The following RBL1 variants were observed in gnomAD, a reference collection of about 807,000 sequenced individuals.
The protein encoded by RBL1 is retinoblastoma-like protein 1.
Under a neutral mutation model 123.0 loss-of-function variants are expected in RBL1, and 82 were observed. That is an observed-to-expected ratio of 0.67 (90% CI 0.56 to 0.80). The LOEUF is 0.80. Among genes scored for constraint, RBL1 ranks in the 30% least tolerant of loss-of-function variants. RBL1 has a pLI of 0.00. For missense variants in RBL1, 1,171 were observed against 1,299.6 expected (o/e 0.90, Z 1.52); for synonymous variants, 405 against 441.3 (o/e 0.92, Z 1.03).
chr20:37,046,018 GTGA>G (rs1445765930), intron 12 of RBL1, among the ~76,000 whole-genome samples: 11 of 152,278 alleles, frequency 7.2e-5, no homozygotes, highest in South Asian at 4.1e-4. Context: ...GTTATTGAGG[GTGA>G]TGATGTAGTT....
intron 16 of RBL1, among the ~76,000 whole-genome samples, chr20:37,027,072 G>A (rs899951891): frequency 1.3e-5 from 2 of 151,850 alleles, no homozygotes; most frequent in Non-Finnish European, 2.9e-5. Flanking sequence ...GTTGGGCATG[G>A]TGGCTCACAC....
intron 10 of RBL1, 110 bp downstream of exon 10, chr20:37,056,036 C>CA (rs890079081): frequency 0.055 from 53,722 of 984,424 alleles, 1 homozygote; most frequent in East Asian, 0.062. Context: ...AACTCGGTCT[C>CA]AAAAAAAAAA....
At position 37,014,279 on chromosome 20, in the gene RBL1, A is replaced by G. The variant is rs147615306; in HGVS notation, c.2722+4000T>C. 7.0e-4 allele frequency among the ~76,000 whole-genome samples: 106 copies of G among 151,966 alleles called. 1 individual carries two copies. Among genetic ancestry groups the G allele is most frequent in the African/African-American group, 2.5e-3 (103 of 41,474 alleles). ...TTTTTTGTAGCAATAGGCTGTCACT[A>G]TGTTACCCACAATGGTCTTGAACTC... On this transcript the variant is annotated intron_variant, in intron 19 of 21. Coordinates refer to ENST00000373664, the MANE Select transcript of RBL1 (RefSeq NM_002895.5).
At chr20:37,076,455 A>T (rs1020347328) in intron 2 of RBL1, among the ~76,000 whole-genome samples, 1 of 152,218 alleles carries the variant, frequency 6.6e-6, no homozygotes, top group Non-Finnish European at 1.5e-5. Flanking sequence ...CTGATAACTG[A>T]GAGGGCCACT....
At chr20:37,008,813 T>C (rs914681329) in intron 19 of RBL1, among the ~76,000 whole-genome samples, 1 of 151,862 alleles carries the variant, frequency 6.6e-6, no homozygotes, top group African/African-American at 2.4e-5. Flanking sequence ...TCACTTCTGC[T>C]ATTTCTAAAG....
chr20:37,040,581 G>C (rs1161742060), intron 13 of RBL1, among the ~76,000 whole-genome samples: 1 of 152,090 alleles, frequency 6.6e-6, no homozygotes, highest in Non-Finnish European at 1.5e-5. Context: ...TCGAATTCCT[G>C]ACCTCAGATG....
intron 16 of RBL1, among the ~76,000 whole-genome samples, chr20:37,023,944 A>AT (rs1201528495): frequency 0.012 from 1,689 of 144,358 alleles, 16 homozygotes; most frequent in South Asian, 0.018. Flanking sequence ...CGCCTGGCTA[A>AT]TTTTTTTTTT....
chr20:37,073,420 GGGTGT>G (rs2065311685), intron 2 of RBL1, among the ~76,000 whole-genome samples: 1 of 152,118 alleles, frequency 6.6e-6, no homozygotes, highest in Non-Finnish European at 1.5e-5. Context: ...TGCTACTGCT[GGGTGT>G]GGTGGCTCAT....
chr20:37,069,652 G>C (rs997143148), intron 2 of RBL1, among the ~76,000 whole-genome samples: 1 of 151,118 alleles, frequency 6.6e-6, no homozygotes, highest in Admixed American at 6.6e-5. Context: ...CAGCCGCCCC[G>C]TCTGAGAAGT....
intron 2 of RBL1, among the ~76,000 whole-genome samples, chr20:37,069,074 A>G (rs1022641385): frequency 3.3e-5 from 5 of 152,234 alleles, no homozygotes; most frequent in African/African-American, 4.8e-5. Context: ...CCCTAACCGC[A>G]AGTGATCCGC....
intron 2 of RBL1, among the ~76,000 whole-genome samples, chr20:37,071,687 T>C (rs1204773148): frequency 1.3e-5 from 2 of 152,028 alleles, no homozygotes; most frequent in Non-Finnish European, 2.9e-5. Flanking sequence ...ATGTTGGAGG[T>C]GGGCCTAGTG....
At chr20:37,084,615 T>G (rs1183211044) in intron 2 of RBL1, among the ~76,000 whole-genome samples, 1 of 152,114 alleles carries the variant, frequency 6.6e-6, no homozygotes, top group Non-Finnish European at 1.5e-5. Flanking sequence ...GAGGGATCGC[T>G]TGAGCCTGTG....
chr20:37,070,732 T>C (rs1373698698), intron 2 of RBL1, among the ~76,000 whole-genome samples: 1 of 152,058 alleles, frequency 6.6e-6, no homozygotes, highest in East Asian at 1.9e-4. Context: ...GGCACCACCT[T>C]GGTTTACTGC....
intron 2 of RBL1, among the ~76,000 whole-genome samples, chr20:37,085,052 C>A (rs902353201): frequency 1.3e-5 from 2 of 151,996 alleles, no homozygotes; most frequent in Admixed American, 1.3e-4. Flanking sequence ...CAGGCATGAG[C>A]TACTGCGCCT....
At chr20:37,044,678 T>A (rs1477480560) in intron 12 of RBL1, among the ~76,000 whole-genome samples, 1 of 152,206 alleles carries the variant, frequency 6.6e-6, no homozygotes, top group Admixed American at 6.5e-5. Context: ...AAAGTCATCT[T>A]TGAACCATAA....
chr20:37,010,248 G>A (rs1026109779), intron 19 of RBL1, among the ~76,000 whole-genome samples: 3 of 151,918 alleles, frequency 2.0e-5, no homozygotes, highest in African/African-American at 7.2e-5. Context: ...CCAGAAATGG[G>A]TTTTTACTGA....
intron 11 of RBL1, among the ~76,000 whole-genome samples, chr20:37,054,529 T>G (rs781399944): frequency 1.3e-5 from 2 of 151,332 alleles, no homozygotes; most frequent in African/African-American, 2.4e-5. Context: ...AAATAAAAGT[T>G]AAAAAATTTA....
intron 19 of RBL1, among the ~76,000 whole-genome samples, chr20:37,014,086 T>C (rs1260266158): frequency 7.9e-6 from 1 of 127,236 alleles, no homozygotes; most frequent in Non-Finnish European, 1.6e-5. Context: ...ACTTTCTCTC[T>C]TTTTTTTTTT....
intron 19 of RBL1, among the ~76,000 whole-genome samples, chr20:37,017,862 C>A (rs112699086): frequency 0.012 from 1,880 of 152,148 alleles, 44 homozygotes; most frequent in African/African-American, 0.043. Flanking sequence ...GCCTTGATCT[C>A]TTGAACTCGT....
Sources: gnomAD v4.1 joint callset for allele counts (sites outside exome capture counted in the v4.1 genomes callset) on GRCh38, gnomAD v4.1.1 for gene constraint, MANE v1.5 for transcripts, NCBI Gene and HGNC (gene_info 2026-07-23, HGNC 2026-07-21) for gene names.